Variants in CPLANE1 observed in about 807,000 individuals in gnomAD.
CPLANE1 encodes the protein ciliogenesis and planar polarity effector complex subunit 1.
Under a neutral mutation model 362.5 loss-of-function variants are expected in CPLANE1, and 263 were observed. The observed-to-expected ratio is 0.73, with a 90% confidence interval of 0.66 to 0.80. The LOEUF (loss-of-function observed/expected upper bound fraction) is 0.80. Ranked by LOEUF, CPLANE1 falls within the 30% of genes least tolerant of loss-of-function variation. The pLI, the probability that CPLANE1 is intolerant of heterozygous loss-of-function variation, is 0.00. For synonymous variants in CPLANE1, 1,212 were observed against 1,302.6 expected (o/e 0.93, Z 1.50); for missense variants, 3,461 against 3,793.4 (o/e 0.91, Z 2.30).
chr5:37,208,680 C>A lies in CPLANE1; in HGVS notation c.2921-2255G>T, dbSNP rs13356615. On this transcript the variant is annotated intron_variant, in intron 16 of 52. Transcript: ENST00000651892. The stretch of plus-strand genomic sequence containing the variant: ...CGATAGAGCAAGACTCTGTCTCCCC[C>A]CCCCCCCAAAAAAAAAAAAGAGTTC... Among the ~76,000 whole-genome samples, 30 of 114,174 alleles carry A rather than the reference C, an allele frequency of 2.6e-4. 1 individual carries two copies. Among genetic ancestry groups the A allele is most frequent in the African/African-American group, 8.0e-4 (17 of 21,194 alleles). The allele number at this position is 114,174 out of a possible 152,430, so 74.9% of individuals were successfully genotyped here. A position where few individuals can be genotyped will look rare whatever the true frequency, so the allele number is the denominator to read the frequency against.
At chr5:37,238,218 G>A (rs960298329) in intron 8 of CPLANE1, among the ~76,000 whole-genome samples, 7 of 152,082 alleles carry the variant, frequency 4.6e-5, no homozygotes, top group African/African-American at 1.7e-4. Context: ...TGTCATCCAG[G>A]CTGGAGTGCA....
Position 37,107,724 on chromosome 5 carries a change from C to T in CPLANE1, c.9634G>A (p.Val3212Met), listed in dbSNP as rs1278842470. 6 of 1,612,016 alleles carry T rather than the reference C, an allele frequency of 3.7e-6. No homozygotes were observed. Among genetic ancestry groups the T allele is most frequent in the East Asian group, 2.2e-5 (1 of 44,814 alleles). ...EPEHPFGVGGVDSVSESTGSI... is the reference protein window; with the variant it reads ...EPEHPFGVGGMDSVSESTGSI... ...CCAGTGCTCTCAGACACGCTGTCCA[C>T]ACCGCCCACCCCAAAAGGATGCTCT... is the stretch of plus-strand genomic sequence containing the variant. The change falls in exon 53 of 53, where the codon GTG becomes ATG. Residue 3212 changes from valine to methionine, a missense_variant. By Grantham distance (21) the Val-to-Met change is conservative. Transcript: ENST00000651892.
At chr5:37,216,298 C>T (rs1396804748) in intron 15 of CPLANE1, among the ~76,000 whole-genome samples, 1 of 152,124 alleles carries the variant, frequency 6.6e-6, no homozygotes, top group Non-Finnish European at 1.5e-5. Context: ...AATCCCCACA[C>T]TTTGGGAGGC....
chr5:37,142,866 G>A (rs1770208638), intron 43 of CPLANE1, among the ~76,000 whole-genome samples: 1 of 152,314 alleles, frequency 6.6e-6, no homozygotes, highest in East Asian at 1.9e-4. Context: ...AGTCTACTGA[G>A]GAATAGGAGA....
In CPLANE1 at chr5:37,153,919, T is replaced by G. The variant is rs773422060; in HGVS notation, c.8194A>C (p.Lys2732Gln). 3.1e-6 allele frequency: 5 copies of G among 1,614,050 alleles called. No homozygotes were observed. The African/African-American group carries it at 5.3e-5, about 17-fold the overall frequency. Residue 2732 changes from lysine to glutamine, a missense_variant, in exon 42 of 53, where the codon AAA becomes CAA. Physicochemically the swap from Lys to Gln is moderately conservative, Grantham distance 53 (BLOSUM62 1). This residue lies in a region of CPLANE1 where 3,380 missense variants were observed against 3,666.1 expected (regional missense o/e 0.92). Transcript: ENST00000651892. ...SDSAEDYLLW[K>Q]RLQGVSAACP... ...GCTGCAGAGACACCTTGCAGCCGTT[T>G]CCACAATAGATAATCTTCTGCAGAG...
chr5:37,144,217 G>A (rs1318721539), intron 43 of CPLANE1, among the ~76,000 whole-genome samples: 2 of 151,528 alleles, frequency 1.3e-5, no homozygotes, highest in African/African-American at 4.9e-5. Context: ...AGACCATCCT[G>A]GTTAACACGG....
chr5:37,135,435 C>G (rs1403338447), intron 46 of CPLANE1, among the ~76,000 whole-genome samples: 2 of 152,106 alleles, frequency 1.3e-5, no homozygotes, highest in African/African-American at 4.8e-5. Context: ...GGGGAGGCCT[C>G]AAGAAACTTA....
chr5:37,142,437 T>C lies in CPLANE1; in HGVS notation c.8505A>G (p.Lys2835=). ...AAAATTCAGGTTCTGAAGTCTCCTT[T>C]TTGTCACTTTGATCTTCTTCATCCA... ...THMDEEDQSD[K]KETSEPEFSI... The change falls in exon 44 of 53, where the codon AAA becomes AAG. Residue 2835 remains lysine (K), a synonymous_variant. Coordinates refer to ENST00000651892, the MANE Select transcript of CPLANE1 (RefSeq NM_001384732.1). 6.2e-7 allele frequency: 1 copy of C among 1,607,598 alleles called. No homozygotes were observed. The highest frequency in any genetic ancestry group is 8.5e-7 in the Non-Finnish European group (1 of 1,177,462).
intron 8 of CPLANE1, among the ~76,000 whole-genome samples, chr5:37,233,302 T>C (rs1798168061): frequency 6.6e-6 from 1 of 152,150 alleles, no homozygotes; most frequent in African/African-American, 2.4e-5. Flanking sequence ...CCTATCACCC[T>C]GCTGTGGGCT....
In CPLANE1 at chr5:37,206,238, C is replaced by G; in HGVS notation, c.3108G>C (p.Val1036=). The part of the protein sequence containing the change: ...GDWKTSVSIG[V]AFQLFCKRDS... ...CACGTTTACAGAACAGCTGGAAAGC[C>G]ACACCAATTGAAACAGACGTCTTCC... is the stretch of plus-strand genomic sequence containing the variant. The change falls in exon 17 of 53, where the codon GTG becomes GTC. Residue 1036 remains valine (V), a synonymous_variant. Transcript: ENST00000651892. 6.4e-7 allele frequency: 1 copy of G among 1,551,788 alleles called. No homozygotes were observed. The highest frequency in any genetic ancestry group is 1.2e-5 in the South Asian group (1 of 84,048).
chr5:37,157,982 A>G (rs1775659611), intron 39 of CPLANE1, 114 bp from the exon 40 acceptor site: 2 of 850,236 alleles, frequency 2.4e-6, no homozygotes, highest in Non-Finnish European at 3.5e-6. Context: ...ATTCTTATTA[A>G]AAACAAGGAA....
chr5:37,190,598 T>C (rs939048505), intron 21 of CPLANE1, among the ~76,000 whole-genome samples: 5 of 152,130 alleles, frequency 3.3e-5, no homozygotes, highest in Non-Finnish European at 5.9e-5. Context: ...CTTGATTGGA[T>C]AGATTTTTTT....
At chr5:37,159,526 GCTT>G (rs1482998815) in intron 38 of CPLANE1, among the ~76,000 whole-genome samples, 1 of 152,156 alleles carries the variant, frequency 6.6e-6, no homozygotes, top group Non-Finnish European at 1.5e-5. Context: ...AACGTTAACT[GCTT>G]CTTATTTAAC....
At chr5:37,142,130 G>A (rs994042996) in intron 44 of CPLANE1, 180 bp downstream of exon 44, 22 of 1,174,342 alleles carry the variant, frequency 1.9e-5, no homozygotes, top group Non-Finnish European at 2.3e-5. Flanking sequence ...GTCTTATGAA[G>A]GTGACAAGAT....
intron 38 of CPLANE1, among the ~76,000 whole-genome samples, chr5:37,161,009 A>G (rs1776721871): frequency 6.6e-6 from 1 of 152,174 alleles, no homozygotes; most frequent in Non-Finnish European, 1.5e-5. Context: ...TGGCAAAGTT[A>G]AAAAGTTTAG....
chr5:37,209,974 A>T lies in CPLANE1; in HGVS notation c.2921-3549T>A. 1 of 991,330 alleles carries T rather than the reference A, an allele frequency of 1.0e-6. No homozygotes were observed. 61.4% of individuals were successfully genotyped at this position (991,330 alleles called of 1,614,324 possible). Reference sequence around the variant, plus strand: ...TTAGAAATAAAGCTAAATGAATATAAGAGAGAAATAGAAGAGCAACTTCGG... The same window carrying T: ...TTAGAAATAAAGCTAAATGAATATATGAGAGAAATAGAAGAGCAACTTCGG... On this transcript the variant is annotated intron_variant, in intron 16 of 52. Coordinates refer to ENST00000651892, the MANE Select transcript of CPLANE1 (RefSeq NM_001384732.1). This position sits in a 1 kb window ranked among gnomAD's most constrained non-coding sequence, Gnocchi z 4.6.
intron 41 of CPLANE1, among the ~76,000 whole-genome samples, chr5:37,156,542 C>T (rs1775159121): frequency 6.6e-6 from 1 of 151,962 alleles, no homozygotes; most frequent in Non-Finnish European, 1.5e-5. Flanking sequence ...GAGTTCAAGG[C>T]TACAGTGAAC....
Position 37,221,331 on chromosome 5 carries a change from A to G in CPLANE1, c.2739T>C (p.Asp913=). Residue 913 remains aspartate, a synonymous_variant, in exon 15 of 53, where the codon GAT becomes GAC. Transcript: ENST00000651892. The part of the protein sequence containing the change: ...WSQLPVKENK[D]FSGAAKSHFE... Reference sequence around the variant, plus strand: ...AGAAAAAAAAAAGCATACCTGAAAAATCTTTATTTTCTTTTACAGGTAGTT... The same window carrying G: ...AGAAAAAAAAAAGCATACCTGAAAAGTCTTTATTTTCTTTTACAGGTAGTT... 6.7e-7 allele frequency: 1 copy of G among 1,494,770 alleles called. No homozygotes were observed. Among genetic ancestry groups the G allele is most frequent in the Non-Finnish European group, 8.9e-7 (1 of 1,127,478 alleles). 92.6% of individuals were successfully genotyped at this position (1,494,770 alleles called of 1,614,324 possible). A position where few individuals can be genotyped will look rare whatever the true frequency, so the allele number is the denominator to read the frequency against.
intron 11 of CPLANE1, 37 bp from the exon 12 acceptor site, chr5:37,227,110 A>G (rs1259746898): frequency 3.7e-5 from 56 of 1,513,510 alleles, no homozygotes; most frequent in Non-Finnish European, 4.8e-5. Flanking sequence ...ACTTAATACC[A>G]TTTAATACCT....
Sources: allele counts gnomAD v4.1 joint callset (sites outside exome capture counted in the v4.1 genomes callset), GRCh38; gene constraint gnomAD v4.1.1; regional missense constraint gnomAD v4.1.1; non-coding constraint Gnocchi (gnomAD v3.1); transcripts MANE v1.5; gene names NCBI Gene and HGNC (gene_info 2026-07-23, HGNC 2026-07-21).